CHST8: variants seen among roughly 807,000 people sequenced by gnomAD.
CHST8 encodes the protein carbohydrate sulfotransferase 8.
Under a neutral mutation model 15.0 loss-of-function variants are expected in CHST8, and 10 were observed. The ratio of observed to expected loss-of-function variants is 0.67; its 90% CI spans 0.41 to 1.13. The LOEUF is 1.13. Ranked by LOEUF, CHST8 falls within the 50% of genes most tolerant of loss-of-function variation. The pLI is 0.00. For missense variants in CHST8, 634 were observed against 608.2 expected (o/e 1.04, Z -0.45); for synonymous variants, 259 against 256.6 (o/e 1.01, Z -0.09).
At chr19:33,713,908 G>A (rs1973608247) in intron 3 of CHST8, among the ~76,000 whole-genome samples, 1 of 152,102 alleles carries the variant, frequency 6.6e-6, no homozygotes, top group Non-Finnish European at 1.5e-5. Context: ...ATCCCTGACA[G>A]AGCCTGGCTG....
intron 2 of CHST8, among the ~76,000 whole-genome samples, chr19:33,688,234 C>T (rs1973023827): frequency 1.3e-5 from 2 of 152,224 alleles, no homozygotes; most frequent in African/African-American, 4.8e-5. Context: ...CCTTGGGGTG[C>T]CCCCATCTCC....
chr19:33,751,846 C>A (rs1463403258), intron 3 of CHST8, among the ~76,000 whole-genome samples: 2 of 152,212 alleles, frequency 1.3e-5, no homozygotes, highest in Admixed American at 6.5e-5. Context: ...CTCTGTCCAG[C>A]CTTTAACACC....
At chr19:33,623,675 AC>A (rs1014352888) in intron 1 of CHST8, among the ~76,000 whole-genome samples, 1 of 152,098 alleles carries the variant, frequency 6.6e-6, no homozygotes, top group Non-Finnish European at 1.5e-5. Context: ...AGGACAGGGC[AC>A]CCGTGGAGCA....
intron 3 of CHST8, among the ~76,000 whole-genome samples, chr19:33,708,627 A>G (rs1973489601): frequency 6.6e-6 from 1 of 152,230 alleles, no homozygotes; most frequent in South Asian, 2.1e-4. Context: ...TGATTAGTAT[A>G]GATTTATAAA....
intron 3 of CHST8, among the ~76,000 whole-genome samples, chr19:33,757,572 GAAAGAAAGAA>G (rs1974623281): frequency 7.1e-6 from 1 of 141,278 alleles, no homozygotes; most frequent in Admixed American, 7.1e-5. Flanking sequence ...AAGAAAGAAA[GAAAGAAAGAA>G]AGAAAGAAAG....
chr19:33,747,507 G>A lies in CHST8; in HGVS notation c.131-23906G>A, dbSNP rs115354846. Among the ~76,000 whole-genome samples, 515 of 152,190 alleles carry A rather than the reference G, an allele frequency of 3.4e-3. 3 individuals are homozygous for A. The highest frequency in any genetic ancestry group is 0.011 in the African/African-American group (473 of 41,506). On this transcript the variant is annotated intron_variant, in intron 3 of 4. Transcript: ENST00000650847. ...ACTGCATCCAGCTCTAAGCTACCAT[G>A]TAAAAATAAACAATACGTTGCTTAG...
At chr19:33,721,105 C>T (rs1444046651) in intron 3 of CHST8, among the ~76,000 whole-genome samples, 2 of 152,224 alleles carry the variant, frequency 1.3e-5, no homozygotes, top group Non-Finnish European at 2.9e-5. Flanking sequence ...ACAAGGGAAT[C>T]GTTCATTGGG....
At chr19:33,748,284 G>T (rs1436612229) in intron 3 of CHST8, among the ~76,000 whole-genome samples, 3 of 152,354 alleles carry the variant, frequency 2.0e-5, no homozygotes, top group Non-Finnish European at 4.4e-5. Context: ...CACTCTCCAA[G>T]GGCAGAAGTG....
chr19:33,714,053 G>T (rs932534485), intron 3 of CHST8, among the ~76,000 whole-genome samples: 1 of 152,144 alleles, frequency 6.6e-6, no homozygotes, highest in Non-Finnish European at 1.5e-5. Flanking sequence ...CTGTGGAGGT[G>T]TTAAAAACCC....
chr19:33,743,491 C>T (rs1333347635), intron 3 of CHST8, among the ~76,000 whole-genome samples: 8 of 151,744 alleles, frequency 5.3e-5, no homozygotes, highest in Admixed American at 1.3e-4. Flanking sequence ...TTAGTAGAGA[C>T]GGGATTTCAC....
chr19:33,654,065 G>T (rs1199124370), intron 1 of CHST8, among the ~76,000 whole-genome samples: 2 of 152,102 alleles, frequency 1.3e-5, no homozygotes, highest in East Asian at 3.9e-4. Flanking sequence ...TGCATTCTGG[G>T]TGATTATGTT....
intron 1 of CHST8, among the ~76,000 whole-genome samples, chr19:33,651,446 A>G (rs569627293): frequency 4.5e-4 from 68 of 152,296 alleles, no homozygotes; most frequent in African/African-American, 1.5e-3. Context: ...TATTTAATCT[A>G]TAGACATAAA....
intron 2 of CHST8, among the ~76,000 whole-genome samples, chr19:33,677,294 A>T (rs891173552): frequency 3.3e-5 from 5 of 152,160 alleles, no homozygotes; most frequent in Admixed American, 6.6e-5. Flanking sequence ...ACAGAGCCCC[A>T]CGTACAGGGA....
chr19:33,688,286 G>C (rs1266642239), intron 2 of CHST8, among the ~76,000 whole-genome samples: 1 of 152,236 alleles, frequency 6.6e-6, no homozygotes, highest in Non-Finnish European at 1.5e-5. Context: ...CTGGTATGTG[G>C]GGGATGGGGA....
chr19:33,724,958 A>G (rs117119179), intron 3 of CHST8, among the ~76,000 whole-genome samples: 2,855 of 152,292 alleles, frequency 0.019, 35 homozygotes, highest in Non-Finnish European at 0.027. Context: ...GACCCAGCAG[A>G]TGCTGGGGGT....
At chr19:33,766,590 T>A (rs1599641661) in intron 3 of CHST8, among the ~76,000 whole-genome samples, 1 of 152,196 alleles carries the variant, frequency 6.6e-6, no homozygotes, top group African/African-American at 2.4e-5. Flanking sequence ...GCCGGCAGCC[T>A]GGGCTGTCCG....
intron 1 of CHST8, among the ~76,000 whole-genome samples, chr19:33,665,329 G>A (rs1329552451): frequency 6.6e-6 from 1 of 152,116 alleles, no homozygotes; most frequent in Non-Finnish European, 1.5e-5. Flanking sequence ...TTTCGTAAAC[G>A]ACCATGGAGT....
intron 3 of CHST8, among the ~76,000 whole-genome samples, chr19:33,698,682 G>A (rs1973271311): frequency 6.6e-6 from 1 of 152,054 alleles, no homozygotes; most frequent in South Asian, 2.1e-4. Flanking sequence ...GAGAGGTCGG[G>A]GCAATGGGGC....
At chr19:33,623,931 G>A (rs1243026595) in intron 1 of CHST8, among the ~76,000 whole-genome samples, 2 of 152,214 alleles carry the variant, frequency 1.3e-5, no homozygotes, top group African/African-American at 4.8e-5. Flanking sequence ...CCTGAAGAGA[G>A]GGACCTCTTG....
Sources: allele counts gnomAD v4.1 joint callset (sites outside exome capture counted in the v4.1 genomes callset), GRCh38; gene constraint gnomAD v4.1.1; transcripts MANE v1.5; gene names NCBI Gene and HGNC (gene_info 2026-07-23, HGNC 2026-07-21).